The following GSAP variants were observed in gnomAD, a reference collection of about 807,000 sequenced individuals.
GSAP encodes gamma-secretase-activating protein.
A neutral mutation model predicts 131.7 loss-of-function variants in GSAP; 118 were observed. The ratio of observed to expected loss-of-function variants is 0.90; its 90% CI spans 0.77 to 1.04. GSAP has a LOEUF of 1.04. GSAP is among the 50% of genes least tolerant of loss of function. GSAP has a pLI of 0.00. For synonymous variants in GSAP, 381 were observed against 363.4 expected (o/e 1.05, Z -0.55); for missense variants, 1,019 against 1,013.2 (o/e 1.01, Z -0.08).
intron 14 of GSAP, among the ~76,000 whole-genome samples, chr7:77,359,190 G>C (rs1794183389): frequency 6.7e-6 from 1 of 149,488 alleles, no homozygotes; most frequent in Non-Finnish European, 1.5e-5. Context: ...GACAGAACAA[G>C]ATTCCATCTC....
intron 12 of GSAP, among the ~76,000 whole-genome samples, chr7:77,372,030 A>T (rs1053702391): frequency 6.6e-6 from 1 of 152,252 alleles, no homozygotes; most frequent in African/African-American, 2.4e-5. Context: ...TCCTGATCTG[A>T]TACAAATGAA....
At chr7:77,379,363 T>C (rs1797453875) in intron 8 of GSAP, among the ~76,000 whole-genome samples, 1 of 150,988 alleles carries the variant, frequency 6.6e-6, no homozygotes, top group Non-Finnish European at 1.5e-5. Flanking sequence ...GAATTGCATA[T>C]TCTTTGCAAC....
chr7:77,355,625 T>C lies in GSAP; in HGVS notation c.1050A>G (p.Leu350=). The stretch of plus-strand genomic sequence containing the variant: ...TAAGTAGGTGGAAGAAATGACCAGG[T>C]AAGTAAACAGCCACATAATAGTCTA... The part of the protein sequence containing the change: ...LNLDYYVAVY[L]PGHFFHLLNV... Residue 350 remains leucine (L), a synonymous_variant, in exon 15 of 31, where the codon TTA becomes TTG. Transcript: ENST00000257626. 6.3e-7 allele frequency: 1 copy of C among 1,595,854 alleles called. No homozygotes were observed. Among genetic ancestry groups the C allele is most frequent in the Non-Finnish European group, 8.6e-7 (1 of 1,163,512 alleles).
intron 19 of GSAP, among the ~76,000 whole-genome samples, chr7:77,338,536 G>A (rs1790382436): frequency 6.6e-6 from 1 of 152,158 alleles, no homozygotes; most frequent in East Asian, 1.9e-4. Flanking sequence ...ATTTCTCACA[G>A]TTCTTCCGAC....
intron 16 of GSAP, 60 bp from the exon 17 acceptor site, chr7:77,353,701 AAAG>A: frequency 1.0e-6 from 1 of 957,448 alleles, no homozygotes; most frequent in East Asian, 2.4e-5. Flanking sequence ...CTCCACTACC[AAAG>A]AAGTACAAAT....
intron 19 of GSAP, among the ~76,000 whole-genome samples, chr7:77,344,056 G>A (rs981428938): frequency 6.6e-6 from 1 of 152,128 alleles, no homozygotes; most frequent in Non-Finnish European, 1.5e-5. Context: ...AACACCTCTT[G>A]GTCTGGGTAG....
intron 5 of GSAP, among the ~76,000 whole-genome samples, chr7:77,392,630 G>A (rs1205853730): frequency 1.3e-5 from 2 of 152,148 alleles, no homozygotes; most frequent in African/African-American, 2.4e-5. Context: ...GATACCACAA[G>A]GAGAGACAGC....
In GSAP at chr7:77,392,644, A is replaced by G. The variant is rs75905398; in HGVS notation, c.367+4338T>C. On this transcript the variant is annotated intron_variant, in intron 5 of 30. Transcript: ENST00000257626. ...GGATACCACAAGGAGAGACAGCAGG[A>G]TCAGGCAGAGGGATAGACATGACAT... is the stretch of plus-strand genomic sequence containing the variant. 5.9e-5 allele frequency among the ~76,000 whole-genome samples: 9 copies of G among 152,336 alleles called. No homozygotes were observed. The East Asian group carries it at 1.7e-3, about 29-fold the overall frequency.
At chr7:77,375,447 A>C (rs930515065) in intron 10 of GSAP, among the ~76,000 whole-genome samples, 3 of 152,234 alleles carry the variant, frequency 2.0e-5, no homozygotes, top group East Asian at 3.8e-4. Flanking sequence ...GTAAGGAAGG[A>C]AGGAAGGCCT....
In GSAP at chr7:77,377,685, T is replaced by C. The variant is rs1054397974; in HGVS notation, c.577-295A>G. On this transcript the variant is annotated intron_variant, in intron 8 of 30. Transcript: ENST00000257626. ...CAACACCACACCTCCCACAAATCAA[T>C]AGCTGCATTAATAGAAGATTCGGAA... Among the ~76,000 whole-genome samples, 9 of 152,334 alleles carry C rather than the reference T, an allele frequency of 5.9e-5. No individual in the cohort carries two copies. In the South Asian group the frequency reaches 1.7e-3, roughly 28 times the overall value.
chr7:77,360,298 CCTTT>C (rs1264236542), intron 14 of GSAP, among the ~76,000 whole-genome samples: 1 of 152,106 alleles, frequency 6.6e-6, no homozygotes, highest in Non-Finnish European at 1.5e-5. Flanking sequence ...TACAACAAAC[CCTTT>C]CTTTATTTTC....
chr7:77,406,966 C>T (rs574237743), intron 1 of GSAP, among the ~76,000 whole-genome samples: 2 of 152,296 alleles, frequency 1.3e-5, no homozygotes, highest in East Asian at 3.9e-4. Flanking sequence ...GATAAAGAGG[C>T]CTCTAAATGA....
chr7:77,333,152 C>A (rs140897519), intron 19 of GSAP, among the ~76,000 whole-genome samples: 2 of 151,834 alleles, frequency 1.3e-5, no homozygotes, highest in Non-Finnish European at 2.9e-5. Flanking sequence ...GGCGACAGTG[C>A]GAGACTGTCT....
chr7:77,375,088 A>C lies in GSAP; in HGVS notation c.755T>G (p.Leu252Trp). 1 of 1,562,928 alleles carries C rather than the reference A, an allele frequency of 6.4e-7. No homozygotes were observed. Among genetic ancestry groups the C allele is most frequent in the Non-Finnish European group, 8.8e-7 (1 of 1,139,708 alleles). Residue 252 changes from leucine (L) to tryptophan (W), a missense_variant, in exon 11 of 31, where the codon TTG (leucine) becomes TGG (tryptophan). Leu to Trp is a moderately conservative substitution (Grantham distance 61). Coordinates refer to ENST00000257626, the MANE Select transcript of GSAP (RefSeq NM_017439.4). ...ESYNLMFEVP[L>W]DISLSNSGFK... is the part of the protein sequence containing the mutation. Reference sequence around the variant, plus strand: ...TCCTGAGTTGCTTAATGATATGTCCAAGGGTACTTCAAACTGTCAAAAAAA... The same window carrying C: ...TCCTGAGTTGCTTAATGATATGTCCCAGGGTACTTCAAACTGTCAAAAAAA...
chr7:77,410,718 G>A lies in GSAP; in HGVS notation c.110-4613C>T, dbSNP rs535043224. On this transcript the variant is annotated intron_variant, in intron 1 of 30. Coordinates refer to ENST00000257626, the MANE Select transcript of GSAP (RefSeq NM_017439.4). ...GTGATTTCACTTTACAGGAATAGGG[G>A]TTCTCAAATGTGTACATTTTATCCC... Among the ~76,000 whole-genome samples the A allele has an allele frequency of 3.3e-5, 5 of 152,256 alleles. No homozygotes were observed. The South Asian group carries it at 1.0e-3, about 32-fold the overall frequency.
At chr7:77,333,918 A>G (rs1329120089) in intron 19 of GSAP, among the ~76,000 whole-genome samples, 2 of 152,192 alleles carry the variant, frequency 1.3e-5, no homozygotes, top group African/African-American at 2.4e-5. Context: ...TCAAGAAACA[A>G]CAGATGCTGG....
At chr7:77,389,567 A>G (rs1799136370) in intron 5 of GSAP, among the ~76,000 whole-genome samples, 2 of 151,858 alleles carry the variant, frequency 1.3e-5, no homozygotes, top group East Asian at 3.9e-4. Flanking sequence ...GTTTGCTGAG[A>G]ATGATGGTTT....
intron 3 of GSAP, among the ~76,000 whole-genome samples, chr7:77,400,012 A>G (rs1427336305): frequency 6.6e-6 from 1 of 152,152 alleles, no homozygotes; most frequent in Non-Finnish European, 1.5e-5. Flanking sequence ...GGAAAGAGGA[A>G]ACATAGCAAG....
intron 1 of GSAP, among the ~76,000 whole-genome samples, chr7:77,410,422 C>T (rs1803061830): frequency 6.6e-6 from 1 of 152,224 alleles, no homozygotes; most frequent in Non-Finnish European, 1.5e-5. Flanking sequence ...TTCATTCTGA[C>T]TCTTCTCCCA....
Sources: gnomAD v4.1 joint callset for allele counts (sites outside exome capture counted in the v4.1 genomes callset) on GRCh38, gnomAD v4.1.1 for gene constraint, MANE v1.5 for transcripts, NCBI Gene and HGNC (gene_info 2026-07-23, HGNC 2026-07-21) for gene names.